The following EPB41L5 variants were observed in gnomAD, a reference collection of about 807,000 sequenced individuals.
EPB41L5 encodes band 4.1-like protein 5.
A neutral mutation model predicts 106.6 loss-of-function variants in EPB41L5; 55 were observed. That is an observed-to-expected ratio of 0.52 (90% confidence interval 0.42 to 0.65). The LOEUF is 0.65. Among genes scored for constraint, EPB41L5 ranks in the 30% least tolerant of loss-of-function variants. The pLI, the probability that EPB41L5 is intolerant of heterozygous loss-of-function variation, is 0.00. For synonymous variants in EPB41L5, 297 were observed against 306.7 expected (o/e 0.97, Z 0.33); for missense variants, 871 against 882.1 (o/e 0.99, Z 0.16).
intron 16 of EPB41L5, among the ~76,000 whole-genome samples, chr2:120,117,448 T>C (rs561616177): frequency 9.8e-4 from 149 of 152,326 alleles, no homozygotes; most frequent in African/African-American, 3.3e-3. Flanking sequence ...TTATGGTATT[T>C]ATTTGGTCGT....
intron 3 of EPB41L5, among the ~76,000 whole-genome samples, chr2:120,056,248 A>T (rs1470897883): frequency 6.6e-6 from 1 of 150,522 alleles, no homozygotes; most frequent in African/African-American, 2.4e-5. Flanking sequence ...TTTTTTTTTT[A>T]ATGTTGAACC....
chr2:120,072,895 C>T (rs900299362), intron 3 of EPB41L5, among the ~76,000 whole-genome samples: 1 of 150,486 alleles, frequency 6.6e-6, no homozygotes, highest in Non-Finnish European at 1.5e-5. Flanking sequence ...CAAACCTGCA[C>T]GTTCTGCACA....
At chr2:120,077,177 G>T in intron 8 of EPB41L5, 52 bp from the exon 9 acceptor site, 8 of 1,581,912 alleles carry the variant, frequency 5.1e-6, no homozygotes, top group South Asian at 1.2e-5. Flanking sequence ...CCTTGGTATA[G>T]AATTTATTTT....
chr2:120,132,727 T>C (rs1249025910), intron 18 of EPB41L5, among the ~76,000 whole-genome samples: 1 of 152,162 alleles, frequency 6.6e-6, no homozygotes, highest in Non-Finnish European at 1.5e-5. Context: ...AATATATCTC[T>C]GTAAAGTAGG....
intron 17 of EPB41L5, 150 bp downstream of exon 17, chr2:120,128,001 T>C (rs1685534055): frequency 1.7e-6 from 1 of 574,668 alleles, no homozygotes; most frequent in African/African-American, 1.9e-5. Context: ...CTTTTTGACT[T>C]AAGGTAACAC....
intron 3 of EPB41L5, among the ~76,000 whole-genome samples, chr2:120,055,789 T>C (rs1217674606): frequency 3.9e-5 from 6 of 152,202 alleles, no homozygotes; most frequent in Non-Finnish European, 7.3e-5. Flanking sequence ...CAACTGATTT[T>C]TGTGTATTTA....
At chr2:120,114,302 TATG>T (rs1369989064) in intron 16 of EPB41L5, among the ~76,000 whole-genome samples, 1 of 152,218 alleles carries the variant, frequency 6.6e-6, no homozygotes, top group Non-Finnish European at 1.5e-5. Flanking sequence ...GTTTTCAACT[TATG>T]ATGGTGTGAA....
intron 8 of EPB41L5, 34 bp downstream of exon 8, chr2:120,077,125 C>T (rs1227196323): frequency 2.5e-6 from 4 of 1,601,776 alleles, no homozygotes; most frequent in Admixed American, 3.4e-5. Flanking sequence ...TCTTTAAAAT[C>T]ACCACAACAG....
intron 20 of EPB41L5, among the ~76,000 whole-genome samples, chr2:120,157,624 C>G (rs1421885473): frequency 1.3e-5 from 2 of 151,898 alleles, no homozygotes; most frequent in Non-Finnish European, 2.9e-5. Context: ...ATAAAATTAG[C>G]TGGGCGGGGT....
intron 2 of EPB41L5, among the ~76,000 whole-genome samples, chr2:120,022,331 CT>C (rs1423423260): frequency 6.6e-6 from 1 of 152,098 alleles, no homozygotes; most frequent in Non-Finnish European, 1.5e-5. Context: ...TATCCCTCCC[CT>C]AACCCCCCAC....
Position 120,091,624 on chromosome 2 carries a change from C to T in EPB41L5, c.1113C>T (p.Pro371=). The change falls in exon 13 of 25, where the codon CCC becomes CCT. Residue 371 remains proline, a synonymous_variant. Transcript: ENST00000263713. ...GATCAACATCCTTTGAAAGAAGGCC[C>T]AGCAAACGATATTCTAGACGAACTC... is the stretch of plus-strand genomic sequence containing the variant. ...ARRSTSFERR[P]SKRYSRRTLQ... 6.2e-7 allele frequency: 1 copy of T among 1,613,784 alleles called. No homozygotes were observed. Among genetic ancestry groups the T allele is most frequent in the Middle Eastern group, 1.7e-4 (1 of 6,056 alleles).
At chr2:120,114,480 A>G (rs1444298812) in intron 16 of EPB41L5, among the ~76,000 whole-genome samples, 1 of 152,208 alleles carries the variant, frequency 6.6e-6, no homozygotes, top group African/African-American at 2.4e-5. Flanking sequence ...CAGTTAATGT[A>G]GGCTCGGGTA....
intron 5 of EPB41L5, among the ~76,000 whole-genome samples, chr2:120,074,768 T>G (rs894411242): frequency 2.0e-5 from 3 of 152,214 alleles, no homozygotes; most frequent in Non-Finnish European, 4.4e-5. Context: ...TTTAGAAGGG[T>G]TTCCTTTAGA....
chr2:120,051,590 C>T (rs796971984), intron 3 of EPB41L5, among the ~76,000 whole-genome samples: 44 of 152,362 alleles, frequency 2.9e-4, no homozygotes, highest in African/African-American at 9.4e-4. Flanking sequence ...CAGGTGCCGC[C>T]TGTCACAGCT....
intron 13 of EPB41L5, among the ~76,000 whole-genome samples, chr2:120,092,688 A>G (rs1331418503): frequency 2.0e-5 from 3 of 152,170 alleles, no homozygotes; most frequent in Admixed American, 1.3e-4. Flanking sequence ...ATTTATACTC[A>G]TAAGTTTTGG....
At chr2:120,051,839 T>C (rs1025561022) in intron 3 of EPB41L5, among the ~76,000 whole-genome samples, 2 of 152,150 alleles carry the variant, frequency 1.3e-5, no homozygotes, top group Non-Finnish European at 2.9e-5. Context: ...GTTTTGTTTT[T>C]TTTTTGAGAC....
chr2:120,072,029 A>G (rs1459600141), intron 3 of EPB41L5, among the ~76,000 whole-genome samples: 2 of 152,230 alleles, frequency 1.3e-5, no homozygotes, highest in East Asian at 1.9e-4. Context: ...AATTTTTGCA[A>G]TGTATCCATC....
Position 120,131,679 on chromosome 2 carries a change from C to T in EPB41L5, c.1563C>T (p.Ser521=), listed in dbSNP as rs753461233. 11 of 1,613,576 alleles carry T rather than the reference C, an allele frequency of 6.8e-6. No homozygotes were observed. The South Asian group carries it at 1.2e-4, about 18-fold the overall frequency. Residue 521 remains serine (S), a synonymous_variant, in exon 18 of 25, where the codon TCC becomes TCT. Transcript: ENST00000263713. ...QLEMENSPLL[S]PRSNIDVNIN... ...AGATGGAGAACAGTCCTTTGCTGTC[C>T]CCTCGATCCAACATCGATGTTAACA...
At chr2:120,158,148 A>G (rs1686979796) in intron 20 of EPB41L5, among the ~76,000 whole-genome samples, 1 of 152,214 alleles carries the variant, frequency 6.6e-6, no homozygotes, top group Non-Finnish European at 1.5e-5. Flanking sequence ...ATGGATTCAC[A>G]GTTGAATTCT....
Sources: allele counts gnomAD v4.1 joint callset (sites outside exome capture counted in the v4.1 genomes callset), GRCh38; gene constraint gnomAD v4.1.1; transcripts MANE v1.5; gene names NCBI Gene and HGNC (gene_info 2026-07-23, HGNC 2026-07-21).